The following RDM1 variants were observed in gnomAD, a reference collection of about 807,000 sequenced individuals.
The protein encoded by RDM1 is RAD52 motif-containing protein 1.
In RDM1, 28 loss-of-function variants were observed where a neutral mutation model predicts 27.7. That is an observed-to-expected ratio of 1.01 (90% CI 0.75 to 1.39). The LOEUF (loss-of-function observed/expected upper bound fraction) is 1.39. Ranked by LOEUF, RDM1 falls within the 40% of genes most tolerant of loss-of-function variation. The pLI is 0.00. For missense variants in RDM1, 277 were observed against 337.3 expected (o/e 0.82, Z 1.40); for synonymous variants, 124 against 127.5 (o/e 0.97, Z 0.19).
chr17:35,922,466 C>T (rs2088979146), intron 5 of RDM1, 111 bp downstream of exon 5: 1 of 1,293,430 alleles, frequency 7.7e-7, no homozygotes, highest in African/African-American at 1.5e-5. Flanking sequence ...CAAATGAAAG[C>T]ATACTATAGA....
At chr17:35,930,442 T>C (rs910443858) in intron 1 of RDM1, 187 bp from the exon 2 acceptor site, 62 of 911,644 alleles carry the variant, frequency 6.8e-5, no homozygotes, top group Non-Finnish European at 9.3e-5. Context: ...GTTCTGAAGG[T>C]GGAGAGATAC....
At position 35,930,497 on chromosome 17, in the gene RDM1, T is replaced by G. The variant is rs544734058; in HGVS notation, c.96+135A>C. ...TCTGTTGGGGGTCGTCAGTTGTCAG[T>G]TGGGATCCCCTTTATAATTAAGAGT... On this transcript the variant is annotated intron_variant, in intron 1 of 6. Coordinates refer to ENST00000620284, the MANE Select transcript of RDM1 (RefSeq NM_145654.4). 145 of 937,698 alleles carry G rather than the reference T, an allele frequency of 1.5e-4. No homozygotes were observed. In the East Asian group the frequency reaches 3.5e-3, roughly 23 times the overall value. The allele number at this position is 937,698 out of a possible 1,614,324, so 58.1% of individuals were successfully genotyped here.
rs149471285 is a variant in RDM1, at chr17:35,928,977, A to G, written c.276+1099T>C. Among the ~76,000 whole-genome samples, 1,036 of 152,118 alleles carry G rather than the reference A, an allele frequency of 6.8e-3. 15 individuals are homozygous for G. The highest frequency in any genetic ancestry group is 0.027 in the East Asian group (140 of 5,156). ...GTAGTCCCAGCTACTCAGGAGGTTG[A>G]GGCAGGAGAATCACTTGAACCCGGA... is the stretch of plus-strand genomic sequence containing the variant. On this transcript the variant is annotated intron_variant, in intron 2 of 6. Transcript: ENST00000620284.
chr17:35,930,594 C>A, intron 1 of RDM1, 38 bp downstream of exon 1: 1 of 1,586,350 alleles, frequency 6.3e-7, no homozygotes, highest in Non-Finnish European at 8.6e-7. Flanking sequence ...GGGTGGGCAG[C>A]TTTCTCCATC....
At chr17:35,929,120 T>C (rs992104964) in intron 2 of RDM1, among the ~76,000 whole-genome samples, 1 of 151,908 alleles carries the variant, frequency 6.6e-6, no homozygotes, top group Non-Finnish European at 1.5e-5. Context: ...TGGTGGCCTG[T>C]ACCTAGCTAC....
At chr17:35,924,797 C>T (rs935583004) in intron 3 of RDM1, 25 bp from the exon 4 acceptor site, 5 of 1,609,960 alleles carry the variant, frequency 3.1e-6, no homozygotes, top group Admixed American at 3.3e-5. Context: ...AATGTAAGGT[C>T]CTTCCTGGGG....
In RDM1 at chr17:35,924,734, T is replaced by C; in HGVS notation, c.438A>G (p.Glu146=). The change falls in exon 4 of 7, where the codon GAA becomes GAG. Residue 146 remains glutamate (E), a synonymous_variant. Transcript: ENST00000620284. ...GCTTCGGAAGTGGCACCATGCTATC[T>C]TCATTTTCCCTTTCTTCAAGGTCAG... is the stretch of plus-strand genomic sequence containing the variant. ...ELSDLEEREN[E]DSMVPLPKQS... is the part of the protein sequence containing the mutation. 1 of 1,614,172 alleles carries C rather than the reference T, an allele frequency of 6.2e-7. No homozygotes were observed. The highest frequency in any genetic ancestry group is 8.5e-7 in the Non-Finnish European group (1 of 1,180,014).
At chr17:35,924,964 T>C (rs2089085997) in intron 3 of RDM1, among the ~76,000 whole-genome samples, 192 bp from the exon 4 acceptor site, 1 of 152,018 alleles carries the variant, frequency 6.6e-6, no homozygotes. Context: ...TGAAACTCCG[T>C]CTCTACTAAA....
At chr17:35,920,524 G>A (rs1346043180) in intron 5 of RDM1, among the ~76,000 whole-genome samples, 4 of 146,286 alleles carry the variant, frequency 2.7e-5, no homozygotes, top group South Asian at 2.1e-4. Flanking sequence ...CAATGGCACT[G>A]TCACAGCTCA....
chr17:35,918,193 TCCCTC>T lies in RDM1; in HGVS notation c.*144_*148del, dbSNP rs1402921004. ...CTTCCCACTCCACCAGAACACCCCT[TCCCTC>T]CCCTTCGCCAGGAAAGATTTGGGCG... is the stretch of plus-strand genomic sequence containing the variant. On this transcript the variant is annotated 3_prime_UTR_variant, in exon 7 of 7. Coordinates refer to ENST00000620284, the MANE Select transcript of RDM1 (RefSeq NM_145654.4). 4 of 652,524 alleles carry T rather than the reference TCCCTC, an allele frequency of 6.1e-6. No homozygotes were observed. Among genetic ancestry groups the T allele is most frequent in the Non-Finnish European group, 1.1e-5 (4 of 364,308 alleles). 40.4% of individuals were successfully genotyped at this position (652,524 alleles called of 1,614,324 possible). A position where few individuals can be genotyped will look rare whatever the true frequency, so the allele number is the denominator to read the frequency against.
intron 5 of RDM1, among the ~76,000 whole-genome samples, chr17:35,920,809 G>C (rs1196210426): frequency 2.0e-5 from 3 of 152,030 alleles, no homozygotes; most frequent in Non-Finnish European, 4.4e-5. Flanking sequence ...CGGTACAAAG[G>C]ACTTTATGAT....
At chr17:35,921,902 A>C (rs2141929754) in intron 5 of RDM1, among the ~76,000 whole-genome samples, 1 of 151,700 alleles carries the variant, frequency 6.6e-6, no homozygotes, top group South Asian at 2.1e-4. Flanking sequence ...TAAGACCTAA[A>C]ATTGCATTAA....
At chr17:35,923,515 T>C (rs1288517115) in intron 4 of RDM1, among the ~76,000 whole-genome samples, 1 of 151,068 alleles carries the variant, frequency 6.6e-6, no homozygotes, top group Non-Finnish European at 1.5e-5. Context: ...CACAAGAAAA[T>C]AGCCAGGTGT....
chr17:35,930,155 T>C lies in RDM1; in HGVS notation c.197A>G (p.Lys66Arg), dbSNP rs1236872353. ...VAHPGFYAVI[K>R]FYSARAAHRA... Reference sequence around the variant, plus strand: ...GTGGGCAGCCCTTGCAGAATAAAACTTAATGACGGCATAGAAACCAGGATG... The same window carrying C: ...GTGGGCAGCCCTTGCAGAATAAAACCTAATGACGGCATAGAAACCAGGATG... The change falls in exon 2 of 7, where the codon AAG becomes AGG. Residue 66 changes from lysine (K) to arginine (R), a missense_variant. Transcript: ENST00000620284. 1.9e-6 allele frequency: 3 copies of C among 1,614,146 alleles called. No individual in the cohort carries two copies. In the East Asian group the frequency reaches 6.7e-5, roughly 36 times the overall value.
intron 4 of RDM1, among the ~76,000 whole-genome samples, chr17:35,923,675 A>C (rs1387020279): frequency 1.3e-5 from 2 of 151,756 alleles, no homozygotes; most frequent in Non-Finnish European, 2.9e-5. Context: ...AAAAGAAAAA[A>C]CTTTGGTACA....
At chr17:35,928,963 T>C (rs771755486) in intron 2 of RDM1, among the ~76,000 whole-genome samples, 272 of 151,936 alleles carry the variant, frequency 1.8e-3, no homozygotes, top group Non-Finnish European at 3.5e-3. Flanking sequence ...TAGTCCCAGC[T>C]ACTCAGGAGG....
chr17:35,926,315 T>A (rs1418010927), intron 2 of RDM1, among the ~76,000 whole-genome samples: 1 of 152,196 alleles, frequency 6.6e-6, no homozygotes, highest in African/African-American at 2.4e-5. Flanking sequence ...TTTCATTTTT[T>A]AAATGTAGTA....
intron 2 of RDM1, among the ~76,000 whole-genome samples, chr17:35,929,489 T>C (rs1405992490): frequency 6.6e-6 from 1 of 152,200 alleles, no homozygotes; most frequent in African/African-American, 2.4e-5. Context: ...TCACCCAGGC[T>C]AGAGTGCAGT....
At chr17:35,920,152 G>T in intron 6 of RDM1, 35 bp downstream of exon 6, 1 of 995,174 alleles carries the variant, frequency 1.0e-6, no homozygotes, top group Non-Finnish European at 1.6e-6. Context: ...TGGTTACACT[G>T]GCTATGTTAC....
Sources: allele counts gnomAD v4.1 joint callset (sites outside exome capture counted in the v4.1 genomes callset), GRCh38; gene constraint gnomAD v4.1.1; transcripts MANE v1.5; gene names NCBI Gene and HGNC (gene_info 2026-07-23, HGNC 2026-07-21).